The following ADCYAP1R1 variants were observed in gnomAD, a reference collection of about 807,000 sequenced individuals.
ADCYAP1R1 encodes the protein pituitary adenylate cyclase-activating polypeptide type I receptor.
Under a neutral mutation model 67.6 loss-of-function variants are expected in ADCYAP1R1, and 44 were observed. The ratio of observed to expected loss-of-function variants is 0.65; its 90% CI spans 0.51 to 0.84. The LOEUF is 0.84. Ranked by LOEUF, ADCYAP1R1 falls within the 40% of genes least tolerant of loss-of-function variation. ADCYAP1R1 has a pLI of 0.00. For synonymous variants in ADCYAP1R1, 222 were observed against 219.6 expected (o/e 1.01, Z -0.10); for missense variants, 477 against 587.9 (o/e 0.81, Z 1.95).
chr7:31,096,925 C>A (rs1418732095), intron 13 of ADCYAP1R1, among the ~76,000 whole-genome samples: 1 of 152,210 alleles, frequency 6.6e-6, no homozygotes, highest in Non-Finnish European at 1.5e-5. Context: ...GCAAAGGGCT[C>A]CCTGCAGGTG....
rs3076597 is a variant in ADCYAP1R1 at position 31,108,746 on chromosome 7, ATGTGTG to A, written c.*2092_*2097del. Reference sequence around the variant, plus strand: ...CCTCATATCAGGTTTTGATGAATATATGTGTGTGTGTGTGTGTGTGTGTGTGTGTGT... The same window carrying A: ...CCTCATATCAGGTTTTGATGAATATATGTGTGTGTGTGTGTGTGTGTGTGT... On this transcript the variant is annotated 3_prime_UTR_variant, in exon 16 of 16. Transcript: ENST00000304166. 0.28 allele frequency: 41,267 copies of A among 147,946 alleles called. 6,176 individuals carry two copies. Among genetic ancestry groups the A allele is most frequent in the East Asian group, 0.63 (3,153 of 4,982 alleles). The allele number at this position is 147,946 out of a possible 1,614,324, so 9.2% of individuals were successfully genotyped here.
intron 1 of ADCYAP1R1, among the ~76,000 whole-genome samples, chr7:31,058,976 G>A (rs1455807207): frequency 2.0e-5 from 3 of 152,222 alleles, no homozygotes; most frequent in Non-Finnish European, 2.9e-5. Context: ...CAGGTTAAAT[G>A]AGTTAACACA....
rs989888547 is a variant in ADCYAP1R1 at position 31,086,310 on chromosome 7, A to G, written c.670-74A>G. The stretch of plus-strand genomic sequence containing the variant: ...TTTGAACCTGAGCATGCCAGAGCCA[A>G]CGGGCCCTAGGATTCTCCCTTGCTC... On this transcript the variant is annotated intron_variant, in intron 9 of 15. Transcript: ENST00000304166. This position sits in a 1 kb window ranked among gnomAD's most constrained non-coding sequence, Gnocchi z 5.0. 4.6e-6 allele frequency: 7 copies of G among 1,505,794 alleles called. No individual in the cohort carries two copies. Among genetic ancestry groups the G allele is most frequent in the Non-Finnish European group, 6.3e-6 (7 of 1,109,182 alleles). 93.3% of individuals were successfully genotyped at this position (1,505,794 alleles called of 1,614,324 possible).
rs1193109495 is a variant in ADCYAP1R1 at position 31,111,128 on chromosome 7, A to C, written c.*4444A>C. The stretch of plus-strand genomic sequence containing the variant: ...ATAGCAGCCATGCCCCTGGGAGTCA[A>C]CTTCAAGGATCTGGGACATTTTGGT... On this transcript the variant is annotated 3_prime_UTR_variant, in exon 16 of 16. Transcript: ENST00000304166. 2 of 152,224 alleles carry C rather than the reference A, an allele frequency of 1.3e-5. No homozygotes were observed. The highest frequency in any genetic ancestry group is 2.9e-5 in the Non-Finnish European group (2 of 68,058). The allele number at this position is 152,224 out of a possible 1,614,324, so 9.4% of individuals were successfully genotyped here.
In ADCYAP1R1 at chr7:31,087,638, T is replaced by C; in HGVS notation, c.896T>C (p.Met299Thr). 3.7e-6 allele frequency: 6 copies of C among 1,614,030 alleles called. No individual in the cohort carries two copies. Among genetic ancestry groups the C allele is most frequent in the Non-Finnish European group, 5.1e-6 (6 of 1,179,948 alleles). Residue 299 changes from methionine (M) to threonine (T), a missense_variant, in exon 12 of 16, where the codon ATG becomes ACG. Physicochemically the swap from Met to Thr is moderately conservative, Grantham distance 81. Coordinates refer to ENST00000304166, the MANE Select transcript of ADCYAP1R1 (RefSeq NM_001118.5). ...LYFDDTGCWD[M>T]NDSTALWWVI... Reference sequence around the variant, plus strand: ...TGTCCATCTTTCAGCTGCTGGGATATGAATGACAGCACAGCTCTGTGGTGG... The same window carrying C: ...TGTCCATCTTTCAGCTGCTGGGATACGAATGACAGCACAGCTCTGTGGTGG...
chr7:31,091,278 GC>G (rs1795950582), intron 12 of ADCYAP1R1, among the ~76,000 whole-genome samples: 1 of 151,954 alleles, frequency 6.6e-6, no homozygotes, highest in African/African-American at 2.4e-5. Context: ...TTTGTCTTTT[GC>G]TTTTGAATTG....
chr7:31,058,837 C>G (rs1392002656), intron 1 of ADCYAP1R1, among the ~76,000 whole-genome samples: 1 of 152,068 alleles, frequency 6.6e-6, no homozygotes, highest in Non-Finnish European at 1.5e-5. Flanking sequence ...AACTTTGGAG[C>G]CAGACTGCTT....
chr7:31,072,639 C>T (rs1280044936), intron 3 of ADCYAP1R1, among the ~76,000 whole-genome samples: 2 of 152,216 alleles, frequency 1.3e-5, no homozygotes, highest in Non-Finnish European at 2.9e-5. Flanking sequence ...ATCTTCCCCA[C>T]ACAACCAAAT....
chr7:31,091,770 C>A (rs769755426), intron 12 of ADCYAP1R1, among the ~76,000 whole-genome samples: 1 of 151,960 alleles, frequency 6.6e-6, no homozygotes, highest in Non-Finnish European at 1.5e-5. Context: ...CATGAAACAG[C>A]CTTTGTCATT....
At chr7:31,091,112 C>T (rs188250337) in intron 12 of ADCYAP1R1, among the ~76,000 whole-genome samples, 1 of 152,342 alleles carries the variant, frequency 6.6e-6, no homozygotes, top group East Asian at 1.9e-4. Context: ...AATAGCCATT[C>T]TGACTGGTGT....
chr7:31,057,843 T>G (rs10226318), intron 1 of ADCYAP1R1, among the ~76,000 whole-genome samples: 58,515 of 152,000 alleles, frequency 0.38, 11,946 homozygotes, highest in African/African-American at 0.52. Flanking sequence ...GAGAGCAGGG[T>G]AGGCGAGTGA....
intron 3 of ADCYAP1R1, among the ~76,000 whole-genome samples, chr7:31,076,844 G>C (rs1795248240): frequency 6.6e-6 from 1 of 152,146 alleles, no homozygotes; most frequent in Non-Finnish European, 1.5e-5. Flanking sequence ...TCTGAAGTGG[G>C]ACCCTCAGTG....
At chr7:31,096,551 C>T (rs920086263) in intron 13 of ADCYAP1R1, among the ~76,000 whole-genome samples, 4 of 152,186 alleles carry the variant, frequency 2.6e-5, no homozygotes, top group Non-Finnish European at 5.9e-5. Flanking sequence ...ATGGCACCAC[C>T]TAAGATGACC....
intron 3 of ADCYAP1R1, among the ~76,000 whole-genome samples, chr7:31,067,071 G>A (rs1175206410): frequency 6.6e-6 from 1 of 152,188 alleles, no homozygotes; most frequent in Non-Finnish European, 1.5e-5. Context: ...TGCCCCAGGG[G>A]CTCCACTTGT....
At chr7:31,066,824 C>G (rs141274569) in intron 3 of ADCYAP1R1, among the ~76,000 whole-genome samples, 1 of 152,142 alleles carries the variant, frequency 6.6e-6, no homozygotes, top group African/African-American at 2.4e-5. Context: ...GAGGGACAGA[C>G]GAATGGGTGA....
intron 3 of ADCYAP1R1, among the ~76,000 whole-genome samples, chr7:31,069,072 G>A (rs977895547): frequency 6.6e-6 from 1 of 152,106 alleles, no homozygotes; most frequent in African/African-American, 2.4e-5. Context: ...ATTTGGGTTG[G>A]GGGGGTCCAT....
At chr7:31,066,184 G>T (rs1204232584) in intron 3 of ADCYAP1R1, among the ~76,000 whole-genome samples, 1 of 152,246 alleles carries the variant, frequency 6.6e-6, no homozygotes, top group African/African-American at 2.4e-5. Flanking sequence ...TGAGGGCAGG[G>T]ATGGTGTGGA....
At chr7:31,095,517 G>A (rs143415341) in intron 13 of ADCYAP1R1, 57 of 680,770 alleles carry the variant, frequency 8.4e-5, no homozygotes, top group African/African-American at 7.2e-4. Flanking sequence ...AATGTCAGGC[G>A]CAGGGGAGGT....
chr7:31,083,628 C>T (rs1380180857), intron 6 of ADCYAP1R1, among the ~76,000 whole-genome samples: 2 of 152,210 alleles, frequency 1.3e-5, no homozygotes, highest in African/African-American at 4.8e-5. Context: ...GTTGCAGCTG[C>T]TGTGAGGCTT....
Sources: gnomAD v4.1 joint callset for allele counts (sites outside exome capture counted in the v4.1 genomes callset) on GRCh38, gnomAD v4.1.1 for gene constraint, Gnocchi (gnomAD v3.1) non-coding constraint, MANE v1.5 for transcripts, NCBI Gene and HGNC (gene_info 2026-07-23, HGNC 2026-07-21) for gene names.